RANBP2: variants seen among roughly 807,000 people sequenced by gnomAD.
RANBP2 encodes RAN binding protein 2, also known as E3 SUMO-protein ligase RanBP2.
A neutral mutation model predicts 303.6 loss-of-function variants in RANBP2; 57 were observed. The observed-to-expected ratio is 0.19, with a 90% CI of 0.15 to 0.23. The LOEUF is 0.23. RANBP2 is among the 10% of genes least tolerant of loss of function. The pLI, the probability that RANBP2 is intolerant of heterozygous loss-of-function variation, is 1.00. For missense variants in RANBP2, 3,138 were observed against 3,780.8 expected (o/e 0.83, Z 4.46); for synonymous variants, 1,167 against 1,301.5 (o/e 0.90, Z 2.23).
the RANBP2 span, among the ~76,000 whole-genome samples, chr2:109,099,252 T>C: frequency 6.6e-6 from 1 of 152,228 alleles, no homozygotes; most frequent in South Asian, 2.1e-4. Context: ...TAACACTCGA[T>C]GCAGTAAACA....
At chr2:109,430,678 A>G in the RANBP2 span, among the ~76,000 whole-genome samples, 2 of 152,162 alleles carry the variant, frequency 1.3e-5, no homozygotes, top group Admixed American at 1.3e-4. Context: ...TATTTCCTCT[A>G]TGGTGATGGG....
At chr2:109,059,590 G>A in the RANBP2 span, among the ~76,000 whole-genome samples, 3 of 151,068 alleles carry the variant, frequency 2.0e-5, no homozygotes, top group African/African-American at 4.9e-5. Context: ...AAAAAAAAAG[G>A]TCACACAACA....
At chr2:108,745,888 T>A (rs553980670) in intron 7 of RANBP2, among the ~76,000 whole-genome samples, 7 of 150,876 alleles carry the variant, frequency 4.6e-5, no homozygotes, top group South Asian at 4.2e-4. Context: ...TTCTCAGAGT[T>A]GCTCTGTGTA....
At chr2:108,823,306 C>G in the RANBP2 span, among the ~76,000 whole-genome samples, 3 of 152,180 alleles carry the variant, frequency 2.0e-5, no homozygotes, top group Non-Finnish European at 4.4e-5. Context: ...CTACATTACC[C>G]TGATACCAAA....
chr2:108,819,326 A>G, the RANBP2 span, among the ~76,000 whole-genome samples: 2 of 152,166 alleles, frequency 1.3e-5, no homozygotes, highest in Non-Finnish European at 2.9e-5. Flanking sequence ...CCTATTCCCT[A>G]CCGTCTCCCT....
chr2:109,458,776 C>G, the RANBP2 span, among the ~76,000 whole-genome samples: 1 of 152,296 alleles, frequency 6.6e-6, no homozygotes, highest in East Asian at 1.9e-4. Flanking sequence ...TTGGGCGAGG[C>G]CCACCCACAT....
chr2:109,299,557 A>G, the RANBP2 span, among the ~76,000 whole-genome samples: 1 of 152,138 alleles, frequency 6.6e-6, no homozygotes, highest in Non-Finnish European at 1.5e-5. Context: ...CAGGGGAGTC[A>G]CCAAGCATCA....
At chr2:109,418,795 AG>A in the RANBP2 span, among the ~76,000 whole-genome samples, 2 of 152,178 alleles carry the variant, frequency 1.3e-5, no homozygotes, top group Non-Finnish European at 2.9e-5. Flanking sequence ...ACACTGTCCT[AG>A]GGAAGGCCAG....
At chr2:109,449,340 C>T in the RANBP2 span, 1 of 1,605,768 alleles carries the variant, frequency 6.2e-7, no homozygotes, top group Non-Finnish European at 8.5e-7. Context: ...GCCGGCCATC[C>T]CCCTCACATC....
At chr2:108,738,729 A>G (rs1383380660) in intron 6 of RANBP2, among the ~76,000 whole-genome samples, 1 of 149,534 alleles carries the variant, frequency 6.7e-6, no homozygotes, top group Non-Finnish European at 1.5e-5. Context: ...CCCAGGTTCA[A>G]GCAATTCTCC....
At chr2:109,359,352 C>G in the RANBP2 span, among the ~76,000 whole-genome samples, 1 of 152,206 alleles carries the variant, frequency 6.6e-6, no homozygotes, top group African/African-American at 2.4e-5. Flanking sequence ...ATCTATACAA[C>G]AAGTTGAAAA....
chr2:109,088,254 A>T, the RANBP2 span, among the ~76,000 whole-genome samples: 2 of 151,834 alleles, frequency 1.3e-5, no homozygotes, highest in Non-Finnish European at 2.9e-5. Flanking sequence ...AAAATTAGCC[A>T]GGCATGGTGG....
the RANBP2 span, among the ~76,000 whole-genome samples, chr2:109,357,950 C>T: frequency 6.6e-6 from 1 of 152,178 alleles, no homozygotes; most frequent in Non-Finnish European, 1.5e-5. Flanking sequence ...TATAGTCACT[C>T]TTGGTGCAGA....
chr2:109,068,319 G>A, the RANBP2 span, among the ~76,000 whole-genome samples: 80,903 of 152,058 alleles, frequency 0.53, 21,992 homozygotes, highest in East Asian at 0.72. Flanking sequence ...GTGGGCACAG[G>A]CAGGAGTGCA....
chr2:109,608,440 T>C, the RANBP2 span, among the ~76,000 whole-genome samples: 1 of 152,194 alleles, frequency 6.6e-6, no homozygotes, highest in African/African-American at 2.4e-5. Flanking sequence ...CTTGATCTGA[T>C]TCTTAAGGGA....
At chr2:109,113,658 CT>C in the RANBP2 span, among the ~76,000 whole-genome samples, 1 of 152,236 alleles carries the variant, frequency 6.6e-6, no homozygotes. Flanking sequence ...CTGGCCAGAA[CT>C]TCCAACACTA....
At chr2:109,492,951 A>C in the RANBP2 span, among the ~76,000 whole-genome samples, 2 of 152,110 alleles carry the variant, frequency 1.3e-5, no homozygotes, top group Non-Finnish European at 2.9e-5. Flanking sequence ...TCCCCTCTAC[A>C]GGGCCCCAGG....
chr2:109,507,302 C>T, the RANBP2 span, among the ~76,000 whole-genome samples: 2 of 152,162 alleles, frequency 1.3e-5, no homozygotes, highest in Non-Finnish European at 2.9e-5. Flanking sequence ...GTCTTGGAAT[C>T]GGTCAGGACC....
At chr2:108,772,155 A>G (rs1385418631) in intron 21 of RANBP2, among the ~76,000 whole-genome samples, 1 of 152,228 alleles carries the variant, frequency 6.6e-6, no homozygotes, top group Non-Finnish European at 1.5e-5. Context: ...TGGAAGAGAG[A>G]GAGAAGGCGG....
Sources: gnomAD v4.1 joint callset for allele counts (sites outside exome capture counted in the v4.1 genomes callset) on GRCh38, gnomAD v4.1.1 for gene constraint, MANE v1.5 for transcripts, NCBI Gene and HGNC (gene_info 2026-07-23, HGNC 2026-07-21) for gene names.